NUP210L: variants seen among roughly 807,000 people sequenced by gnomAD.
The protein encoded by NUP210L is nucleoporin 210 like.
Under a neutral mutation model 208.5 loss-of-function variants are expected in NUP210L, and 74 were observed. The observed-to-expected ratio is 0.35, with a 90% CI of 0.29 to 0.43. The LOEUF is 0.43. Among genes scored for constraint, NUP210L ranks in the 20% least tolerant of loss-of-function variants. The pLI, the probability that NUP210L is intolerant of heterozygous loss-of-function variation, is 1.00. For missense variants in NUP210L, 1,843 were observed against 2,289.4 expected, an observed-to-expected ratio of 0.81 and a Z score of 3.98; for synonymous variants, 780 against 816.9, an observed-to-expected ratio of 0.95 and a Z score of 0.77.
At chr1:154,149,179 G>A (rs59550472) in intron 2 of NUP210L, among the ~76,000 whole-genome samples, 22,277 of 148,082 alleles carry the variant, frequency 0.15, 3,104 homozygotes, top group African/African-American at 0.37. Context: ...TCCACCTCCC[G>A]GGTCCAAGTG....
intron 30 of NUP210L, among the ~76,000 whole-genome samples, chr1:154,024,928 T>TTG (rs1321493038): frequency 7.9e-5 from 11 of 138,482 alleles, no homozygotes; most frequent in African/African-American, 2.5e-4. Flanking sequence ...ATCTGTTTTT[T>TTG]TTTTTTTTTT....
intron 27 of NUP210L, among the ~76,000 whole-genome samples, chr1:154,034,848 T>TC (rs1652444180): frequency 6.6e-6 from 1 of 151,120 alleles, no homozygotes; most frequent in East Asian, 1.9e-4. Flanking sequence ...TCTCTCTTTT[T>TC]TTTTTTTTTT....
At chr1:154,090,860 T>C (rs981702813) in intron 15 of NUP210L, among the ~76,000 whole-genome samples, 1 of 151,306 alleles carries the variant, frequency 6.6e-6, no homozygotes, top group African/African-American at 2.4e-5. Context: ...GGTGAGGTTC[T>C]GGAGAAATGG....
chr1:154,081,763 C>T (rs2148031544), intron 16 of NUP210L, among the ~76,000 whole-genome samples: 1 of 152,314 alleles, frequency 6.6e-6, no homozygotes, highest in East Asian at 1.9e-4. Flanking sequence ...AGGAAGACTG[C>T]CTGAGCCCAG....
chr1:154,070,249 A>G, intron 17 of NUP210L, 24 bp downstream of exon 17: 1 of 1,525,406 alleles, frequency 6.6e-7, no homozygotes, highest in African/African-American at 1.4e-5. Context: ...GGTATATGAA[A>G]AGACTTGTAT....
At chr1:154,020,366 CT>C (rs1009535014) in intron 32 of NUP210L, among the ~76,000 whole-genome samples, 2 of 151,956 alleles carry the variant, frequency 1.3e-5, no homozygotes, top group African/African-American at 4.8e-5. Context: ...ATTTCCTTTT[CT>C]TTTTTTTGAG....
chr1:154,082,775 G>A (rs1327888960), intron 16 of NUP210L, among the ~76,000 whole-genome samples: 1 of 152,128 alleles, frequency 6.6e-6, no homozygotes, highest in African/African-American at 2.4e-5. Context: ...TCCTGGTCTC[G>A]CTGACTTCAG....
chr1:154,017,287 A>C (rs1651310816), intron 33 of NUP210L, among the ~76,000 whole-genome samples: 4 of 140,212 alleles, frequency 2.9e-5, no homozygotes, highest in Non-Finnish European at 4.8e-5. Context: ...TCTCCAACAA[A>C]AAAAAAAAAA....
At chr1:154,031,363 T>C (rs1652207855) in intron 27 of NUP210L, among the ~76,000 whole-genome samples, 11 of 152,196 alleles carry the variant, frequency 7.2e-5, no homozygotes. Context: ...GTGCTGGAAT[T>C]ACAGGTGTGA....
intron 10 of NUP210L, among the ~76,000 whole-genome samples, chr1:154,125,929 G>A (rs1040434661): frequency 1.4e-4 from 21 of 151,186 alleles, no homozygotes; most frequent in African/African-American, 4.6e-4. Context: ...CACCGCGCCC[G>A]GCTAATTTTT....
intron 11 of NUP210L, among the ~76,000 whole-genome samples, chr1:154,118,187 T>C (rs1481081724): frequency 6.6e-6 from 1 of 151,992 alleles, no homozygotes; most frequent in Non-Finnish European, 1.5e-5. Flanking sequence ...CACACGCCTG[T>C]AATCCCAGCT....
At chr1:154,030,928 T>G (rs1246990316) in intron 27 of NUP210L, among the ~76,000 whole-genome samples, 1 of 152,032 alleles carries the variant, frequency 6.6e-6, no homozygotes, top group Non-Finnish European at 1.5e-5. Context: ...AATTCTTTTT[T>G]CTAAAAACAG....
Position 154,043,962 on chromosome 1 carries a change from G to A in NUP210L, c.3696+2107C>T, listed in dbSNP as rs1653034624. The stretch of plus-strand genomic sequence containing the variant: ...ATTTGCCTATGCTAGATCTGAGGCA[G>A]GAAAAGAAAAAATCTGTGTGGCTCT... On this transcript the variant is annotated intron_variant, in intron 27 of 39. Transcript: ENST00000368559. Among the ~76,000 whole-genome samples the A allele has an allele frequency of 3.3e-5, 5 of 151,966 alleles. No homozygotes were observed. The South Asian group carries it at 1.0e-3, about 31-fold the overall frequency.
exon 30 of NUP210L, chr1:154,025,666 G>A (rs778057983): frequency 6.2e-7 from 1 of 1,613,936 alleles, no homozygotes; most frequent in Non-Finnish European, 8.5e-7. Flanking sequence ...AATGACGGAT[G>A]AATTAGGGAA....
intron 2 of NUP210L, among the ~76,000 whole-genome samples, chr1:154,146,208 C>T (rs1297472028): frequency 6.6e-6 from 1 of 152,064 alleles, no homozygotes; most frequent in African/African-American, 2.4e-5. Flanking sequence ...AAAGAGCCCC[C>T]AGTGGCCAAA....
chr1:154,065,780 C>A lies in NUP210L; in HGVS notation c.2555-4106G>T, dbSNP rs1654373696. Among the ~76,000 whole-genome samples, 13 of 151,064 alleles carry A rather than the reference C, an allele frequency of 8.6e-5. No individual in the cohort carries two copies. The Admixed American group carries it at 8.6e-4, about 10-fold the overall frequency. Reference sequence around the variant, plus strand: ...TGGTGGCACATGCCTATAGTCCCAGCTACTCAGGAGGCTGAGGCACAAGAA... The same window carrying A: ...TGGTGGCACATGCCTATAGTCCCAGATACTCAGGAGGCTGAGGCACAAGAA... On this transcript the variant is annotated intron_variant, in intron 17 of 39. Coordinates refer to ENST00000368559, the Ensembl canonical transcript of NUP210L.
chr1:154,099,605 G>T (rs557577258), intron 14 of NUP210L, among the ~76,000 whole-genome samples: 1 of 152,042 alleles, frequency 6.6e-6, no homozygotes, highest in South Asian at 2.1e-4. Flanking sequence ...TATCTTTCAG[G>T]GTTCTTCAAA....
intron 3 of NUP210L, among the ~76,000 whole-genome samples, chr1:154,142,257 T>C (rs369099748): frequency 6.6e-6 from 1 of 152,238 alleles, no homozygotes; most frequent in Admixed American, 6.5e-5. Context: ...ATTATAATTT[T>C]TTTTTAATTA....
intron 11 of NUP210L, among the ~76,000 whole-genome samples, chr1:154,118,196 C>G (rs929603510): frequency 2.6e-5 from 4 of 151,990 alleles, no homozygotes; most frequent in African/African-American, 9.7e-5. Context: ...GTAATCCCAG[C>G]TACTCCGGAG....
Sources: allele counts gnomAD v4.1 joint callset (sites outside exome capture counted in the v4.1 genomes callset), GRCh38; gene constraint gnomAD v4.1.1; transcripts MANE v1.5; gene names NCBI Gene and HGNC (gene_info 2026-07-23, HGNC 2026-07-21).